CCDC88A: variants seen among roughly 807,000 people sequenced by gnomAD.
CCDC88A encodes the protein coiled-coil and HOOK domain protein 88A, also known as girdin.
CCDC88A carries 54 observed loss-of-function variants against 234.3 expected under a neutral mutation model. The ratio of observed to expected loss-of-function variants is 0.23; its 90% CI spans 0.19 to 0.29. The LOEUF is 0.29. Ranked by LOEUF, CCDC88A falls within the 10% of genes least tolerant of loss-of-function variation. The probability of loss-of-function intolerance (pLI) is 1.00; values close to 1 mark genes in which losing one functional copy is unlikely to be tolerated. For missense variants in CCDC88A, 1,832 were observed against 2,123.4 expected, an observed-to-expected ratio of 0.86 and a Z score of 2.70; for synonymous variants, 753 against 737.8, an observed-to-expected ratio of 1.02 and a Z score of -0.33.
intron 22 of CCDC88A, 185 bp from the exon 23 acceptor site, chr2:55,312,764 T>A: frequency 2.1e-6 from 1 of 477,896 alleles, no homozygotes; most frequent in Non-Finnish European, 3.7e-6. Flanking sequence ...ATGCTGTCTC[T>A]CTCTCTATAT....
chr2:55,382,276 G>A (rs1674721684), intron 3 of CCDC88A, among the ~76,000 whole-genome samples: 1 of 152,098 alleles, frequency 6.6e-6, no homozygotes, highest in African/African-American at 2.4e-5. Flanking sequence ...ATTTTCTGTA[G>A]CAACTGGATT....
chr2:55,383,648 T>TA (rs1674983586), intron 3 of CCDC88A, among the ~76,000 whole-genome samples: 1 of 147,024 alleles, frequency 6.8e-6, no homozygotes, highest in African/African-American at 2.5e-5. Flanking sequence ...AGAAAAGAAA[T>TA]ACTAAAATAC....
chr2:55,406,642 C>T (rs561126722), intron 2 of CCDC88A, among the ~76,000 whole-genome samples: 1 of 152,114 alleles, frequency 6.6e-6, no homozygotes, highest in Non-Finnish European at 1.5e-5. Context: ...AACTGTAATC[C>T]CAGTTACTCG....
At chr2:55,372,347 T>C (rs575781373) in intron 5 of CCDC88A, 105 bp downstream of exon 5, 1 of 571,966 alleles carries the variant, frequency 1.7e-6, no homozygotes, top group South Asian at 3.1e-5. Context: ...TAACATGGAC[T>C]TTGAAAACCA....
intron 13 of CCDC88A, 58 bp downstream of exon 13, chr2:55,339,402 CTATT>C (rs66706508): frequency 0.25 from 304,031 of 1,231,582 alleles, 39,414 homozygotes; most frequent in East Asian, 0.5. Context: ...AATAAATGGG[CTATT>C]TATTTACACT....
At chr2:55,336,932 C>G (rs556057522) in intron 13 of CCDC88A, 114 bp from the exon 14 acceptor site, 2 of 580,902 alleles carry the variant, frequency 3.4e-6, no homozygotes, top group Admixed American at 4.1e-5. Flanking sequence ...TATCCAAATG[C>G]TAAAATTTAA....
At chr2:55,374,191 T>C (rs1673249229) in intron 4 of CCDC88A, among the ~76,000 whole-genome samples, 1 of 152,104 alleles carries the variant, frequency 6.6e-6, no homozygotes, top group African/African-American at 2.4e-5. Flanking sequence ...CTGGCCAACA[T>C]GGTAAAACCC....
Position 55,355,702 on chromosome 2 carries a change from T to A in CCDC88A, c.677A>T (p.His226Leu). The change falls in exon 8 of 33, where the codon CAT (histidine) becomes CTT (leucine). Residue 226 changes from histidine (H) to leucine (L), a missense_variant. His to Leu is a moderately conservative substitution (Grantham distance 99). Transcript: ENST00000436346. ...EERDGLHFLPHASSSAQSPCG... is the reference protein window; with the variant it reads ...EERDGLHFLPLASSSAQSPCG... ...GGGTGACTGTGCAGATGAAGAGGCATGGGGTAGAAAATGGAGACCATCCCG... is the reference window on the plus strand; with the variant it reads ...GGGTGACTGTGCAGATGAAGAGGCAAGGGGTAGAAAATGGAGACCATCCCG... 1.2e-6 allele frequency: 2 copies of A among 1,613,926 alleles called. No homozygotes were observed. The highest frequency in any genetic ancestry group is 3.3e-5 in the Admixed American group (2 of 60,022).
chr2:55,388,489 G>A (rs1289556397), intron 3 of CCDC88A: 1 of 170,982 alleles, frequency 5.8e-6, no homozygotes, highest in Non-Finnish European at 1.2e-5. Context: ...CATAATTCAA[G>A]AAGTCTAACA....
At chr2:55,305,315 C>T (rs576686235) in intron 25 of CCDC88A, among the ~76,000 whole-genome samples, 1 of 152,254 alleles carries the variant, frequency 6.6e-6, no homozygotes, top group East Asian at 1.9e-4. Context: ...ATACAATGTT[C>T]ATTTCCCAAA....
intron 31 of CCDC88A, among the ~76,000 whole-genome samples, chr2:55,293,084 C>G (rs1679619896): frequency 6.6e-6 from 1 of 150,474 alleles, no homozygotes; most frequent in African/African-American, 2.5e-5. Flanking sequence ...TTCTGTAAGT[C>G]TAATTTTGTA....
At position 55,372,369 on chromosome 2, in the gene CCDC88A, T is replaced by C. The variant is rs149589742; in HGVS notation, c.402+83A>G. The C allele has an allele frequency of 9.2e-4, 629 of 687,012 alleles. 8 individuals are homozygous for C. In the East Asian group the frequency reaches 0.015, roughly 17 times the overall value. The allele number at this position is 687,012 out of a possible 1,614,324, so 42.6% of individuals were successfully genotyped here. A position where few individuals can be genotyped will look rare whatever the true frequency, so the allele number is the denominator to read the frequency against. On this transcript the variant is annotated intron_variant, in intron 5 of 32. Coordinates refer to ENST00000436346, the MANE Select transcript of CCDC88A (RefSeq NM_001365480.1). ...GACTTTGAAAACCAATGGTCCATCC[T>C]TAAGTCTTTCAGAAACTACAGCCTG...
At chr2:55,301,723 T>A in intron 27 of CCDC88A, 149 bp downstream of exon 27, 1 of 674,408 alleles carries the variant, frequency 1.5e-6, no homozygotes, top group East Asian at 2.7e-5. Context: ...ATTTTTAAAA[T>A]GATTTGAAAG....
rs1177275035 is a variant in CCDC88A, at chr2:55,335,139, T to C, written c.1682A>G (p.Glu561Gly). ...GGAAGACACTGTTTGATTCAGATGT[T>C]CATTTTCCTGTTCCAGTATCTTAAT... ...RQIKILEQEN[E>G]HLNQTVSSLR... The change falls in exon 15 of 33, where the codon GAA becomes GGA. Residue 561 changes from glutamate to glycine, a missense_variant. Glu to Gly is a moderately conservative substitution (Grantham distance 98). This residue lies in a region of CCDC88A where 1,282 missense variants were observed against 1,543.6 expected (regional missense o/e 0.83). Transcript: ENST00000436346. This position sits in a 1 kb window ranked among gnomAD's most constrained non-coding sequence, Gnocchi z 4.5. The C allele has an allele frequency of 6.5e-7, 1 of 1,542,960 alleles. No individual in the cohort carries two copies. The highest frequency in any genetic ancestry group is 8.7e-7 in the Non-Finnish European group (1 of 1,150,354).
intron 13 of CCDC88A, chr2:55,339,244 C>T (rs1413406300): frequency 6.7e-6 from 3 of 450,020 alleles, no homozygotes; most frequent in Non-Finnish European, 1.1e-5. Flanking sequence ...CAGGCGTGAG[C>T]CCCCGCACCT....
intron 31 of CCDC88A, chr2:55,294,316 T>C (rs550826512): frequency 2.0e-6 from 2 of 983,644 alleles, no homozygotes; most frequent in African/African-American, 1.7e-5. Context: ...TGATGAAAAG[T>C]GCAGAGAAGA....
intron 27 of CCDC88A, 79 bp downstream of exon 27, chr2:55,301,793 A>G: frequency 8.1e-7 from 1 of 1,242,090 alleles, no homozygotes; most frequent in East Asian, 2.3e-5. Flanking sequence ...TGCTTTTTAA[A>G]AAGTACACAG....
rs1297393519 is a variant in CCDC88A at position 55,328,032 on chromosome 2, C to G, written c.2997+262G>C. Among the ~76,000 whole-genome samples, 1 of 152,120 alleles carries G rather than the reference C, an allele frequency of 6.6e-6. No individual in the cohort carries two copies. The highest frequency in any genetic ancestry group is 1.5e-5 in the Non-Finnish European group (1 of 68,006). ...GCTTTTCCCAATAAAATAAGCCTGCCTCTTCCTCATTCCACCCACACACTT... is the reference window on the plus strand; with the variant it reads ...GCTTTTCCCAATAAAATAAGCCTGCGTCTTCCTCATTCCACCCACACACTT... On this transcript the variant is annotated intron_variant, in intron 17 of 32. Coordinates refer to ENST00000436346, the MANE Select transcript of CCDC88A (RefSeq NM_001365480.1). The surrounding 1 kb of genome is among the most constrained non-coding windows in gnomAD (Gnocchi z 4.3).
intron 3 of CCDC88A, among the ~76,000 whole-genome samples, chr2:55,378,780 C>T (rs1254546704): frequency 6.9e-6 from 1 of 145,662 alleles, no homozygotes; most frequent in Non-Finnish European, 1.5e-5. Flanking sequence ...GAGTCTCGCT[C>T]TGTCACCCAG....
Sources: allele counts gnomAD v4.1 joint callset (sites outside exome capture counted in the v4.1 genomes callset), GRCh38; gene constraint gnomAD v4.1.1; regional missense constraint gnomAD v4.1.1; non-coding constraint Gnocchi (gnomAD v3.1); transcripts MANE v1.5; gene names NCBI Gene and HGNC (gene_info 2026-07-23, HGNC 2026-07-21).